Variants in TRPC6 observed in about 807,000 individuals in gnomAD.
The protein encoded by TRPC6 is short transient receptor potential channel 6.
TRPC6 carries 55 observed loss-of-function variants against 90.7 expected under a neutral mutation model. The ratio of observed to expected loss-of-function variants is 0.61; its 90% CI spans 0.49 to 0.76. TRPC6 has a LOEUF of 0.76. TRPC6 is among the 30% of genes least tolerant of loss of function. TRPC6 has a pLI of 0.00. For synonymous variants in TRPC6, 393 were observed against 393.0 expected (o/e 1.00, Z 0.00); for missense variants, 989 against 1,122.7 (o/e 0.88, Z 1.70).
rs150140192 is a variant in TRPC6 at position 101,485,089 on chromosome 11, G to A, written c.1294-1924C>T. Among the ~76,000 whole-genome samples the A allele has an allele frequency of 5.5e-3, 821 of 149,660 alleles. 3 individuals carry two copies. Among genetic ancestry groups the A allele is most frequent in the African/African-American group, 0.019 (772 of 40,668 alleles). On this transcript the variant is annotated intron_variant, in intron 4 of 12. Transcript: ENST00000344327. ...TTTCAATCTGCGGTTTGTTAAATCCGGGGATGCAGAACCCACATATACAGA... is the reference window on the plus strand; with the variant it reads ...TTTCAATCTGCGGTTTGTTAAATCCAGGGATGCAGAACCCACATATACAGA...
intron 1 of TRPC6, among the ~76,000 whole-genome samples, chr11:101,562,107 C>G (rs936171560): frequency 1.4e-4 from 22 of 152,074 alleles, no homozygotes; most frequent in African/African-American, 5.3e-4. Flanking sequence ...AAAATTCAAA[C>G]TACCTTTGAT....
chr11:101,569,276 A>G (rs1277387497), intron 1 of TRPC6, among the ~76,000 whole-genome samples: 1 of 152,186 alleles, frequency 6.6e-6, no homozygotes, highest in Non-Finnish European at 1.5e-5. Flanking sequence ...AAAGAAGGCC[A>G]TTACATGATG....
intron 10 of TRPC6, among the ~76,000 whole-genome samples, chr11:101,457,239 G>A (rs1027284661): frequency 6.6e-6 from 1 of 152,108 alleles, no homozygotes; most frequent in African/African-American, 2.4e-5. Flanking sequence ...TCCTAATATG[G>A]AAATAAACAC....
chr11:101,473,619 G>A lies in TRPC6; in HGVS notation c.1899C>T (p.Asp633=), dbSNP rs187196477. Residue 633 remains aspartate, a synonymous_variant, in exon 7 of 13, where the codon GAC becomes GAT. Transcript: ENST00000344327. ...LQISLGRTVK[D]IFKFMVIFIM... ...TGAATATGACCATGAACTTGAAGAT[G>A]TCTTTGACTGTTCTTCCAAGTGATA... 7.5e-5 allele frequency: 121 copies of A among 1,613,798 alleles called. No individual in the cohort carries two copies. The highest frequency in any genetic ancestry group is 3.3e-4 in the Middle Eastern group (2 of 6,052).
intron 1 of TRPC6, among the ~76,000 whole-genome samples, chr11:101,548,253 A>T (rs1318139084): frequency 4.9e-5 from 3 of 61,030 alleles, no homozygotes; most frequent in East Asian, 5.4e-4. Context: ...ACTAGATCAT[A>T]TATATATACA....
intron 10 of TRPC6, among the ~76,000 whole-genome samples, chr11:101,464,798 G>T (rs1015476328): frequency 1.3e-5 from 2 of 152,074 alleles, no homozygotes; most frequent in Non-Finnish European, 2.9e-5. Flanking sequence ...TACATTTAAG[G>T]TTAATATTGT....
chr11:101,534,240 A>G (rs1335362372), intron 1 of TRPC6, among the ~76,000 whole-genome samples: 12 of 151,834 alleles, frequency 7.9e-5, no homozygotes. Flanking sequence ...GGTTCAAGAG[A>G]TTTTGCTACT....
chr11:101,483,295 T>A, intron 4 of TRPC6, 130 bp from the exon 5 acceptor site: 1 of 1,124,136 alleles, frequency 8.9e-7, no homozygotes. Flanking sequence ...TATATTTATG[T>A]AATTCGTGAT....
At chr11:101,484,593 C>CTGTG (rs1431616173) in intron 4 of TRPC6, among the ~76,000 whole-genome samples, 21 of 87,286 alleles carry the variant, frequency 2.4e-4, no homozygotes, top group South Asian at 9.4e-4. Context: ...CTCTCTCATG[C>CTGTG]TATGTGTGTG....
At chr11:101,463,056 A>G (rs893530095) in intron 10 of TRPC6, among the ~76,000 whole-genome samples, 4 of 152,140 alleles carry the variant, frequency 2.6e-5, no homozygotes, top group Non-Finnish European at 5.9e-5. Flanking sequence ...TTCTGCATCT[A>G]TTGAGATAAT....
intron 1 of TRPC6, among the ~76,000 whole-genome samples, chr11:101,561,184 T>A (rs1272798694): frequency 6.6e-6 from 1 of 152,076 alleles, no homozygotes. Context: ...TATCAGTGGG[T>A]TTGAGGGTTA....
chr11:101,473,804 G>T, intron 6 of TRPC6, 31 bp from the exon 7 acceptor site: 2 of 1,612,824 alleles, frequency 1.2e-6, no homozygotes, highest in South Asian at 1.1e-5. Context: ...AGAGTTGTGT[G>T]AGTTTCTTCA....
At chr11:101,512,692 TG>T (rs1185665570) in intron 1 of TRPC6, among the ~76,000 whole-genome samples, 1 of 152,092 alleles carries the variant, frequency 6.6e-6, no homozygotes. Context: ...GAGAAAACTT[TG>T]GGGAACTTCG....
Position 101,504,095 on chromosome 11 carries a change from C to T in TRPC6, c.874G>A (p.Asp292Asn), listed in dbSNP as rs1860195912. The T allele has an allele frequency of 3.1e-6, 5 of 1,613,918 alleles. No individual in the cohort carries two copies. Among genetic ancestry groups the T allele is most frequent in the Non-Finnish European group, 4.2e-6 (5 of 1,179,936 alleles). ...SPAYLSLSSE[D>N]PVMTALELSN... Reference sequence around the variant, plus strand: ...AGTTCTAAAGCCGTCATGACTGGATCTTCACTAGACAATGACAGGTAAGCC... The same window carrying T: ...AGTTCTAAAGCCGTCATGACTGGATTTTCACTAGACAATGACAGGTAAGCC... Residue 292 changes from aspartate to asparagine, a missense_variant, in exon 2 of 13, where the codon GAT (aspartate) becomes AAT (asparagine). Asp to Asn is a conservative substitution (Grantham distance 23). Coordinates refer to ENST00000344327, the MANE Select transcript of TRPC6 (RefSeq NM_004621.6).
chr11:101,560,554 T>C (rs1038629835), intron 1 of TRPC6, among the ~76,000 whole-genome samples: 2 of 152,184 alleles, frequency 1.3e-5, no homozygotes, highest in African/African-American at 4.8e-5. Flanking sequence ...CAAACTGTTT[T>C]GTAACTAACA....
intron 5 of TRPC6, among the ~76,000 whole-genome samples, chr11:101,481,291 G>A (rs1161975289): frequency 1.3e-5 from 2 of 152,122 alleles, no homozygotes; most frequent in Non-Finnish European, 2.9e-5. Flanking sequence ...GGATTTATAT[G>A]AAAATCCCTG....
chr11:101,472,056 C>T, intron 8 of TRPC6, 81 bp downstream of exon 8: 1 of 1,372,928 alleles, frequency 7.3e-7, no homozygotes, highest in Non-Finnish European at 1.0e-6. Context: ...GCAGTCCATG[C>T]TTTCATCCCC....
At chr11:101,496,883 C>T (rs1326896026) in intron 2 of TRPC6, among the ~76,000 whole-genome samples, 1 of 152,178 alleles carries the variant, frequency 6.6e-6, no homozygotes, top group African/African-American at 2.4e-5. Flanking sequence ...AAGGCAAGAA[C>T]ACACATACAC....
chr11:101,479,960 C>T (rs1859512098), intron 5 of TRPC6, among the ~76,000 whole-genome samples: 1 of 152,134 alleles, frequency 6.6e-6, no homozygotes, highest in Admixed American at 6.5e-5. Context: ...GGGCAGATCA[C>T]CTGAGGTTGG....
Sources: allele counts gnomAD v4.1 joint callset (sites outside exome capture counted in the v4.1 genomes callset), GRCh38; gene constraint gnomAD v4.1.1; transcripts MANE v1.5; gene names NCBI Gene and HGNC (gene_info 2026-07-23, HGNC 2026-07-21).